FAM177A1: variants seen among roughly 807,000 people sequenced by gnomAD.
The protein encoded by FAM177A1 is family with sequence similarity 177 member A1.
Under a neutral mutation model 26.1 loss-of-function variants are expected in FAM177A1, and 22 were observed. The ratio of observed to expected loss-of-function variants is 0.84; its 90% CI spans 0.60 to 1.20. The LOEUF (loss-of-function observed/expected upper bound fraction) is 1.20. Among genes scored for constraint, FAM177A1 ranks in the 50% most tolerant of loss-of-function variants. FAM177A1 has a pLI of 0.00. For missense variants in FAM177A1, 296 were observed against 291.1 expected (o/e 1.02, Z -0.12); for synonymous variants, 95 against 99.3 (o/e 0.96, Z 0.26).
intron 2 of FAM177A1, among the ~76,000 whole-genome samples, chr14:35,061,422 A>G (rs799471): frequency 0.21 from 31,461 of 147,500 alleles, 3,981 homozygotes; most frequent in Non-Finnish European, 0.29. Context: ...TCACTTTAGG[A>G]GCTGAGCATT....
At chr14:35,055,441 GTT>G (rs770110194) in intron 2 of FAM177A1, among the ~76,000 whole-genome samples, 31 of 136,694 alleles carry the variant, frequency 2.3e-4, no homozygotes, top group Admixed American at 3.0e-4. Flanking sequence ...TGCAATAACT[GTT>G]TTTTTTTTTT....
Position 35,073,062 on chromosome 14 carries a change from CTCT to C in FAM177A1, c.340-4068_340-4066del, listed in dbSNP as rs139602399. 3.1e-3 allele frequency among the ~76,000 whole-genome samples: 469 copies of C among 151,640 alleles called. 2 individuals carry two copies. The highest frequency in any genetic ancestry group is 0.01 in the African/African-American group (418 of 41,346). On this transcript the variant is annotated intron_variant, in intron 2 of 4. Transcript: ENST00000280987. ...TCATGATGTTTTCTTTATCAGGGTT[CTCT>C]TCTTCTTCTTCTTCTTCTTTTTTTT... is the stretch of plus-strand genomic sequence containing the variant.
intron 2 of FAM177A1, among the ~76,000 whole-genome samples, chr14:35,055,444 T>G (rs1595040401): frequency 1.3e-5 from 2 of 150,800 alleles, no homozygotes; most frequent in African/African-American, 4.8e-5. Context: ...AATAACTGTT[T>G]TTTTTTTTTT....
Position 35,053,287 on chromosome 14 carries a change from G to A in FAM177A1, c.175G>A (p.Glu59Lys), listed in dbSNP as rs773329224. The change falls in exon 2 of 5, where the codon GAA (glutamate) becomes AAA (lysine). Residue 59 changes from glutamate (E) to lysine (K), a missense_variant. Physicochemically the swap from Glu to Lys is moderately conservative, Grantham distance 56. Coordinates refer to ENST00000280987, the MANE Select transcript of FAM177A1 (RefSeq NM_173607.5). ...FGESAGQMSN[E>K]RGFENVELGV... ...AATATCGTTGATATAGATGAGTAAC[G>A]AAAGAGGCTTTGAAAATGTAGAACT... 8 of 1,610,322 alleles carry A rather than the reference G, an allele frequency of 5.0e-6. No homozygotes were observed. Among genetic ancestry groups the A allele is most frequent in the South Asian group, 1.1e-5 (1 of 90,486 alleles).
Position 35,046,555 on chromosome 14 carries a change from G to T in FAM177A1, c.92G>T (p.Gly31Val), listed in dbSNP as rs368712835. The change falls in exon 1 of 5, where the codon GGT becomes GTT. Residue 31 changes from glycine to valine, a missense_variant. Coordinates refer to ENST00000280987, the MANE Select transcript of FAM177A1 (RefSeq NM_173607.5). ...ATTMDQEPVG[G>V]VERGEAVAAS... ...ACGATGGACCAGGAGCCAGTGGGCGGTGTGGAACGAGGAGAAGCCGTCGCA... is the reference window on the plus strand; with the variant it reads ...ACGATGGACCAGGAGCCAGTGGGCGTTGTGGAACGAGGAGAAGCCGTCGCA... 1.3e-6 allele frequency: 2 copies of T among 1,593,988 alleles called. No individual in the cohort carries two copies. The highest frequency in any genetic ancestry group is 1.8e-5 in the Admixed American group (1 of 57,118).
At chr14:35,067,227 GCTCT>G (rs1156744702) in intron 2 of FAM177A1, among the ~76,000 whole-genome samples, 1 of 151,922 alleles carries the variant, frequency 6.6e-6, no homozygotes, top group Non-Finnish European at 1.5e-5. Flanking sequence ...CCACCATTGT[GCTCT>G]CTGTTTCTAT....
chr14:35,054,163 C>T (rs1030775712), intron 2 of FAM177A1, among the ~76,000 whole-genome samples: 13 of 151,996 alleles, frequency 8.6e-5, no homozygotes, highest in East Asian at 1.9e-4. Context: ...TGCAGTGAGC[C>T]GAGATCGCGC....
Position 35,067,133 on chromosome 14 carries a change from C to T in FAM177A1, c.340-10017C>T, listed in dbSNP as rs987670075. 9.9e-5 allele frequency among the ~76,000 whole-genome samples: 15 copies of T among 152,270 alleles called. 1 individual carries two copies. The highest frequency in any genetic ancestry group is 6.8e-3 in the Middle Eastern group (2 of 294). ...TTAAACATATTTATTGCCTCAAGTA[C>T]TTACCATTTATTCTTCCTAACTGTA... On this transcript the variant is annotated intron_variant, in intron 2 of 4. Transcript: ENST00000280987.
chr14:35,048,565 T>TTA (rs1458789460), intron 1 of FAM177A1, among the ~76,000 whole-genome samples: 6 of 148,678 alleles, frequency 4.0e-5, no homozygotes, highest in Non-Finnish European at 7.4e-5. Flanking sequence ...TTCTTATATA[T>TTA]TATATATATT....
chr14:35,074,257 G>A (rs1278470071), intron 2 of FAM177A1, among the ~76,000 whole-genome samples: 1 of 152,108 alleles, frequency 6.6e-6, no homozygotes, highest in Non-Finnish European at 1.5e-5. Context: ...CGATTCTCCC[G>A]TCTCAGTCTC....
In FAM177A1 at chr14:35,046,320, G is replaced by A; in HGVS notation, c.-144G>A. On this transcript the variant is annotated 5_prime_UTR_variant, in exon 1 of 5. Transcript: ENST00000280987. ...GGGTGCGGAGCCCGGCGGGCTAGGCGAGGCGCGGGCTGGCCCCGCCCCTCA... is the reference window on the plus strand; with the variant it reads ...GGGTGCGGAGCCCGGCGGGCTAGGCAAGGCGCGGGCTGGCCCCGCCCCTCA... 5.0e-6 allele frequency: 5 copies of A among 1,009,458 alleles called. No homozygotes were observed. The highest frequency in any genetic ancestry group is 6.7e-6 in the Non-Finnish European group (5 of 742,480). 62.5% of individuals were successfully genotyped at this position (1,009,458 alleles called of 1,614,324 possible).
At chr14:35,056,388 C>T (rs1057340007) in intron 2 of FAM177A1, among the ~76,000 whole-genome samples, 1 of 151,952 alleles carries the variant, frequency 6.6e-6, no homozygotes, top group African/African-American at 2.4e-5. Flanking sequence ...TAGAGTCTCA[C>T]TCTGTCACCC....
In FAM177A1 at chr14:35,054,102, T is replaced by C. The variant is rs1160263632; in HGVS notation, c.339+651T>C. Among the ~76,000 whole-genome samples, 3 of 152,150 alleles carry C rather than the reference T, an allele frequency of 2.0e-5. No individual in the cohort carries two copies. In the South Asian group the frequency reaches 6.2e-4, roughly 32 times the overall value. ...CCAAAACTTAGGGAGTTGTCAGCTT[T>C]TTAAAATACTGCCTCAACAGGAGAA... On this transcript the variant is annotated intron_variant, in intron 2 of 4. Coordinates refer to ENST00000280987, the MANE Select transcript of FAM177A1 (RefSeq NM_173607.5).
At chr14:35,080,937 A>G (rs1163922124) in intron 4 of FAM177A1, 85 bp from the exon 5 acceptor site, 37 of 1,365,990 alleles carry the variant, frequency 2.7e-5, no homozygotes, top group Non-Finnish European at 3.5e-5. Context: ...TTTTTTAAAC[A>G]TAAGCTGACA....
At chr14:35,046,760 A>G in intron 1 of FAM177A1, 132 bp downstream of exon 1, 1 of 1,395,214 alleles carries the variant, frequency 7.2e-7, no homozygotes, top group South Asian at 1.6e-5. Flanking sequence ...TCCTCACTGC[A>G]CCCCTGTTTC....
chr14:35,046,209 G>T, upstream of FAM177A1: 1 of 332,346 alleles, frequency 3.0e-6, no homozygotes, highest in South Asian at 8.8e-5. Context: ...GGCCGGAAGC[G>T]ACGCCCCGCA....
At chr14:35,053,054 G>A in intron 1 of FAM177A1, 1 of 452,396 alleles carries the variant, frequency 2.2e-6, no homozygotes, top group African/African-American at 2.0e-5. Context: ...CTGATAATCT[G>A]CTTTCCAGAT....
chr14:35,048,655 T>G (rs1375154840), intron 1 of FAM177A1, among the ~76,000 whole-genome samples: 2 of 151,854 alleles, frequency 1.3e-5, no homozygotes, highest in Admixed American at 1.3e-4. Context: ...GCTTTCAGAT[T>G]CACATTCCTG....
chr14:35,082,294 A>C lies in FAM177A1; in HGVS notation c.*1066A>C, dbSNP rs1397415727. 6.6e-6 allele frequency: 1 copy of C among 152,208 alleles called. No homozygotes were observed. Among genetic ancestry groups the C allele is most frequent in the Admixed American group, 6.5e-5 (1 of 15,268 alleles). 9.4% of individuals were successfully genotyped at this position (152,208 alleles called of 1,614,324 possible). On this transcript the variant is annotated 3_prime_UTR_variant, in exon 5 of 5. Coordinates refer to ENST00000280987, the MANE Select transcript of FAM177A1 (RefSeq NM_173607.5). ...TTTGGGAGGCTGAAGTGGGCAGATT[A>C]CTTGAGGTCAGGAGTTTGAGACCAG...
Sources: allele counts gnomAD v4.1 joint callset (sites outside exome capture counted in the v4.1 genomes callset), GRCh38; gene constraint gnomAD v4.1.1; transcripts MANE v1.5; gene names NCBI Gene and HGNC (gene_info 2026-07-23, HGNC 2026-07-21).